Variants in HEATR5B observed in about 807,000 individuals in gnomAD.
HEATR5B encodes the protein HEAT repeat-containing protein 5B.
In HEATR5B, 156 loss-of-function variants were observed where a neutral mutation model predicts 224.1. The ratio of observed to expected loss-of-function variants is 0.70; its 90% CI spans 0.61 to 0.80. HEATR5B has a LOEUF of 0.80. Among genes scored for constraint, HEATR5B ranks in the 30% least tolerant of loss-of-function variants. HEATR5B has a pLI of 0.00. For missense variants in HEATR5B, 2,323 were observed against 2,535.5 expected (o/e 0.92, Z 1.80); for synonymous variants, 1,027 against 893.0 (o/e 1.15, Z -2.68).
At chr2:37,054,480 ATTTT>A (rs11433192) in intron 16 of HEATR5B, among the ~76,000 whole-genome samples, 1 of 75,220 alleles carries the variant, frequency 1.3e-5, no homozygotes, top group Non-Finnish European at 2.4e-5. Flanking sequence ...TGTGCTCTGC[ATTTT>A]TTTTTTTTTT....
intron 24 of HEATR5B, among the ~76,000 whole-genome samples, chr2:37,026,945 T>G (rs1420249935): frequency 1.3e-5 from 2 of 152,102 alleles, no homozygotes; most frequent in Non-Finnish European, 2.9e-5. Flanking sequence ...ACTACAGGCA[T>G]GTGCCAGGAC....
chr2:37,031,277 G>A (rs940234142), intron 22 of HEATR5B, among the ~76,000 whole-genome samples: 1 of 151,864 alleles, frequency 6.6e-6, no homozygotes, highest in Admixed American at 6.6e-5. Context: ...CAAACCTGGG[G>A]GTGATCTTGG....
At chr2:37,013,815 A>G (rs1373941034) in intron 27 of HEATR5B, 26 bp downstream of exon 27, 1 of 1,513,694 alleles carries the variant, frequency 6.6e-7, no homozygotes, top group Non-Finnish European at 8.9e-7. Context: ...TGGGTCAAAA[A>G]CAATAGATTG....
At chr2:37,032,877 T>C (rs1413726006) in intron 21 of HEATR5B, 104 bp from the exon 22 acceptor site, 3 of 1,004,308 alleles carry the variant, frequency 3.0e-6, no homozygotes, top group Non-Finnish European at 4.2e-6. Flanking sequence ...TATATATGTT[T>C]TGTTTTGTTT....
At chr2:37,050,633 A>C (rs2148524863) in intron 17 of HEATR5B, among the ~76,000 whole-genome samples, 1 of 152,358 alleles carries the variant, frequency 6.6e-6, no homozygotes, top group Non-Finnish European at 1.5e-5. Flanking sequence ...ATTTGGAAAG[A>C]GGATATTTGG....
In HEATR5B at chr2:37,013,756, A is replaced by T. The variant is rs938338201; in HGVS notation, c.4284+85T>A. 26 of 1,260,248 alleles carry T rather than the reference A, an allele frequency of 2.1e-5. No individual in the cohort carries two copies. In the East Asian group the frequency reaches 4.5e-4, roughly 22 times the overall value. 78.1% of individuals were successfully genotyped at this position (1,260,248 alleles called of 1,614,324 possible). On this transcript the variant is annotated intron_variant, in intron 27 of 35. Transcript: ENST00000233099. The stretch of plus-strand genomic sequence containing the variant: ...AAGGGTTAGTTTTTAAAAAACAAAA[A>T]TTTTTTTACCAACAAGAGTAGAGGA...
rs1004530445 is a variant in HEATR5B, at chr2:37,079,301, C to T, written c.157G>A (p.Val53Ile). 10 of 1,608,362 alleles carry T rather than the reference C, an allele frequency of 6.2e-6. No individual in the cohort carries two copies. The African/African-American group carries it at 1.3e-4, about 22-fold the overall frequency. The part of the protein sequence containing the change: ...TDVKEKQKKL[V>I]EQLTGLISSS... ...CTTATTAATCCAGTTAATTGTTCAA[C>T]AAGTTTTTTCTGTTTTTCCTTTACA... Residue 53 changes from valine (V) to isoleucine (I), a missense_variant, in exon 3 of 36, where the codon GTT (valine) becomes ATT (isoleucine). Physicochemically the swap from Val to Ile is conservative, Grantham distance 29 (BLOSUM62 3). Transcript: ENST00000233099.
At chr2:36,993,339 C>G (rs1212362972) in intron 33 of HEATR5B, among the ~76,000 whole-genome samples, 1 of 151,996 alleles carries the variant, frequency 6.6e-6, no homozygotes, top group African/African-American at 2.4e-5. Flanking sequence ...GATTTCGAAG[C>G]CAGCCTGGCC....
At chr2:37,051,797 T>C (rs1014326124) in intron 17 of HEATR5B, among the ~76,000 whole-genome samples, 2 of 152,070 alleles carry the variant, frequency 1.3e-5, no homozygotes, top group East Asian at 1.9e-4. Flanking sequence ...TGGAGTGCAA[T>C]GGCATGATCT....
chr2:37,051,059 A>C lies in HEATR5B; in HGVS notation c.2506-1216T>G, dbSNP rs535669003. On this transcript the variant is annotated intron_variant, in intron 17 of 35. Transcript: ENST00000233099. ...GACTCCGTCTCCAAAAAAAATAAAT[A>C]AACTAACAAATGAGGTGGCCGGGTG... 1.5e-4 allele frequency among the ~76,000 whole-genome samples: 22 copies of C among 150,738 alleles called. No homozygotes were observed. The South Asian group carries it at 4.6e-3, about 32-fold the overall frequency.
At chr2:37,063,647 G>A (rs1175409004) in intron 10 of HEATR5B, among the ~76,000 whole-genome samples, 1 of 151,900 alleles carries the variant, frequency 6.6e-6, no homozygotes, top group Non-Finnish European at 1.5e-5. Context: ...AATGGACATG[G>A]GCTTAATGTC....
chr2:37,059,118 C>T (rs894918209), intron 12 of HEATR5B, 131 bp from the exon 13 acceptor site: 7 of 465,756 alleles, frequency 1.5e-5, no homozygotes, highest in African/African-American at 8.1e-5. Flanking sequence ...GAAACCATGT[C>T]GAACCAAAAG....
chr2:37,025,307 C>A (rs1328351850), intron 24 of HEATR5B, among the ~76,000 whole-genome samples: 3 of 151,968 alleles, frequency 2.0e-5, no homozygotes, highest in African/African-American at 7.3e-5. Flanking sequence ...CACCTCCACA[C>A]TGAGAGAAAA....
intron 16 of HEATR5B, among the ~76,000 whole-genome samples, chr2:37,056,181 T>C (rs1001264269): frequency 6.6e-6 from 1 of 152,158 alleles, no homozygotes; most frequent in Non-Finnish European, 1.5e-5. Flanking sequence ...AATTTTGTTA[T>C]AAAATACAGT....
chr2:37,058,916 TA>T lies in HEATR5B; in HGVS notation c.1920del (p.Ile641LeufsTer5). ...TEDVIRKLMT[P>X]IECAMTMMSH... ...GACATCATAGTCATGGCACATTCAA[TA>T]GGGGTCATCAATTTTCGAATCACAT... On this transcript the variant is annotated frameshift_variant, in exon 13 of 36. Coordinates refer to ENST00000233099, the MANE Select transcript of HEATR5B (RefSeq NM_019024.3). LOFTEE classifies it high-confidence loss of function. The T allele has an allele frequency of 1.2e-6, 2 of 1,609,790 alleles. No homozygotes were observed. Among genetic ancestry groups the T allele is most frequent in the South Asian group, 2.2e-5 (2 of 90,518 alleles).
chr2:37,061,809 C>A, intron 11 of HEATR5B, 130 bp downstream of exon 11: 1 of 575,968 alleles, frequency 1.7e-6, no homozygotes, highest in Non-Finnish European at 3.1e-6. Flanking sequence ...ACGAGGAAAA[C>A]ATCTTTACAC....
intron 2 of HEATR5B, among the ~76,000 whole-genome samples, chr2:37,082,497 G>C (rs1208046880): frequency 2.6e-5 from 4 of 152,284 alleles, no homozygotes; most frequent in African/African-American, 9.6e-5. Flanking sequence ...ACTGTGACAT[G>C]TTCATGATGG....
chr2:37,043,680 T>G (rs946788629), intron 18 of HEATR5B, among the ~76,000 whole-genome samples: 1 of 152,230 alleles, frequency 6.6e-6, no homozygotes. Flanking sequence ...TTCATTGACA[T>G]GGTTAAATTC....
rs1162636008 is a variant in HEATR5B, at chr2:37,007,164, T to C, written c.4663A>G (p.Ile1555Val). Residue 1555 changes from isoleucine to valine, a missense_variant, in exon 29 of 36, where the codon ATA becomes GTA. Around this residue, in one of 12 missense-constraint regions of HEATR5B, gnomAD observed 844 missense variants for 812.9 expected, o/e 1.04. Coordinates refer to ENST00000233099, the MANE Select transcript of HEATR5B (RefSeq NM_019024.3). ...TCSESTEAAA[I>V]SGLQKRSTSV... ...GTAGAACGTTTTTGTAAACCAGATA[T>C]TGCTGCTGCTTCTGTAGACTCTGAG... 5.6e-6 allele frequency: 9 copies of C among 1,614,008 alleles called. No individual in the cohort carries two copies. Among genetic ancestry groups the C allele is most frequent in the African/African-American group, 2.7e-5 (2 of 74,904 alleles).
Sources: allele counts gnomAD v4.1 joint callset (sites outside exome capture counted in the v4.1 genomes callset), GRCh38; gene constraint gnomAD v4.1.1; regional missense constraint gnomAD v4.1.1; transcripts MANE v1.5; gene names NCBI Gene and HGNC (gene_info 2026-07-23, HGNC 2026-07-21).